CDH13: variants seen among roughly 807,000 people sequenced by gnomAD.
CDH13 encodes the protein cadherin 13.
Under a neutral mutation model 63.8 loss-of-function variants are expected in CDH13, and 24 were observed. That is an observed-to-expected ratio of 0.38 (90% CI 0.27 to 0.53). The LOEUF (loss-of-function observed/expected upper bound fraction) is 0.53, where lower values mean the gene tolerates loss of function less well. Ranked by LOEUF, CDH13 falls within the 20% of genes least tolerant of loss-of-function variation. The pLI is 0.85. For synonymous variants in CDH13, 503 were observed against 355.3 expected (o/e 1.42, Z -4.67); for missense variants, 1,049 against 903.1 (o/e 1.16, Z -2.07).
chr16:83,785,344 T>C (rs1187930827), intron 13 of CDH13, among the ~76,000 whole-genome samples: 3 of 152,184 alleles, frequency 2.0e-5, no homozygotes, highest in African/African-American at 4.8e-5. Context: ...TTTCACATGA[T>C]GGGAGAGGCA....
chr16:83,503,866 T>G (rs772172709), intron 7 of CDH13, among the ~76,000 whole-genome samples: 6 of 152,076 alleles, frequency 3.9e-5, no homozygotes, highest in Non-Finnish European at 8.8e-5. Flanking sequence ...GATGATAGTT[T>G]CTTTTGCTGT....
intron 4 of CDH13, among the ~76,000 whole-genome samples, chr16:83,132,494 C>G (rs2151658471): frequency 8.0e-6 from 1 of 124,866 alleles, no homozygotes; most frequent in African/African-American, 3.0e-5. Context: ...TGTCACCAGG[C>G]TGGAGTGCAT....
intron 10 of CDH13, among the ~76,000 whole-genome samples, chr16:83,704,304 T>A (rs1906685252): frequency 6.6e-6 from 1 of 152,162 alleles, no homozygotes; most frequent in Non-Finnish European, 1.5e-5. Flanking sequence ...AATAACAATC[T>A]TACCCTCAAA....
At chr16:82,803,541 C>G (rs2036979231) in intron 1 of CDH13, among the ~76,000 whole-genome samples, 1 of 152,086 alleles carries the variant, frequency 6.6e-6, no homozygotes, top group Admixed American at 6.5e-5. Flanking sequence ...GGAACGACTC[C>G]AATGTTCCTG....
At chr16:82,706,182 C>T (rs1342367707) in intron 1 of CDH13, among the ~76,000 whole-genome samples, 1 of 152,128 alleles carries the variant, frequency 6.6e-6, no homozygotes, top group Admixed American at 6.6e-5. Context: ...TCCCTCTTTC[C>T]CTTCACAAAC....
intron 7 of CDH13, among the ~76,000 whole-genome samples, chr16:83,592,947 A>G (rs1906903297): frequency 6.6e-6 from 1 of 152,190 alleles, no homozygotes; most frequent in African/African-American, 2.4e-5. Context: ...AGTGGGAATA[A>G]GGCACATTTT....
At chr16:83,304,671 G>T (rs758760630) in intron 5 of CDH13, among the ~76,000 whole-genome samples, 1 of 152,170 alleles carries the variant, frequency 6.6e-6, no homozygotes, top group Non-Finnish European at 1.5e-5. Flanking sequence ...GAGGAATAAT[G>T]ATAATATTGT....
At chr16:83,401,864 A>G (rs768463973) in intron 6 of CDH13, among the ~76,000 whole-genome samples, 6 of 152,210 alleles carry the variant, frequency 3.9e-5, no homozygotes, top group Non-Finnish European at 7.3e-5. Context: ...AGCTCTTTGT[A>G]TAAACATTTT....
intron 6 of CDH13, among the ~76,000 whole-genome samples, chr16:83,369,103 A>G (rs967780000): frequency 6.6e-5 from 10 of 151,512 alleles, no homozygotes; most frequent in Non-Finnish European, 1.3e-4. Context: ...GCTGGATCAA[A>G]CAGTAGGTCT....
At chr16:83,448,011 C>G (rs972676834) in intron 6 of CDH13, among the ~76,000 whole-genome samples, 1 of 152,102 alleles carries the variant, frequency 6.6e-6, no homozygotes, top group East Asian at 1.9e-4. Context: ...CCAATAGGAA[C>G]TTGCCTGGAG....
At chr16:83,678,150 A>G in intron 9 of CDH13, 58 bp from the exon 10 acceptor site, 1 of 1,556,756 alleles carries the variant, frequency 6.4e-7, no homozygotes, top group Non-Finnish European at 8.7e-7. Flanking sequence ...AAGTTGATGC[A>G]AACCACCTGC....
intron 2 of CDH13, among the ~76,000 whole-genome samples, chr16:82,874,092 G>A (rs748288997): frequency 2.0e-5 from 3 of 151,984 alleles, no homozygotes; most frequent in South Asian, 2.1e-4. Flanking sequence ...GCGGGGTCTC[G>A]GGCAGCTCCC....
intron 1 of CDH13, chr16:82,705,038 G>C (rs1300108717): frequency 2.4e-6 from 1 of 421,038 alleles, no homozygotes; most frequent in Non-Finnish European, 4.7e-6. Context: ...GAAAATAAAC[G>C]GTTTCTTCTT....
intron 2 of CDH13, among the ~76,000 whole-genome samples, chr16:83,019,232 CCTTT>C (rs1337162622): frequency 6.6e-6 from 1 of 152,000 alleles, no homozygotes; most frequent in Non-Finnish European, 1.5e-5. Flanking sequence ...ATTTTATAGA[CCTTT>C]CTATTTTTAA....
intron 1 of CDH13, among the ~76,000 whole-genome samples, chr16:82,640,512 A>C (rs1909266214): frequency 6.6e-6 from 1 of 152,186 alleles, no homozygotes; most frequent in South Asian, 2.1e-4. Flanking sequence ...GCATTAAAGC[A>C]GCCACAGCCG....
At chr16:83,086,778 CA>C (rs2033622984) in intron 3 of CDH13, among the ~76,000 whole-genome samples, 3 of 151,978 alleles carry the variant, frequency 2.0e-5, no homozygotes, top group South Asian at 4.1e-4. Flanking sequence ...CAAGCAATGG[CA>C]AAAACTGGGC....
Position 82,954,317 on chromosome 16 carries a change from G to A in CDH13, c.158-77693G>A, listed in dbSNP as rs551606900. 3 of 152,300 alleles carry A rather than the reference G, an allele frequency of 2.0e-5. No homozygotes were observed. The East Asian group carries it at 5.8e-4, about 29-fold the overall frequency. The allele number at this position is 152,300 out of a possible 1,614,324, so 9.4% of individuals were successfully genotyped here. A position where few individuals can be genotyped will look rare whatever the true frequency, so the allele number is the denominator to read the frequency against. On this transcript the variant is annotated intron_variant, in intron 2 of 13. Coordinates refer to ENST00000567109, the MANE Select transcript of CDH13 (RefSeq NM_001257.5). ...GAACTTCCAGTTCACCCTGTGGAAG[G>A]GAAGGGGCTGAGCATGTTCTGGTGG...
intron 10 of CDH13, among the ~76,000 whole-genome samples, chr16:83,691,238 G>T (rs1904847469): frequency 6.6e-6 from 1 of 152,188 alleles, no homozygotes; most frequent in Non-Finnish European, 1.5e-5. Flanking sequence ...AAAGTAACTT[G>T]TGGGAGGAAA....
chr16:82,748,581 G>C (rs985010968), intron 1 of CDH13, among the ~76,000 whole-genome samples: 1 of 151,254 alleles, frequency 6.6e-6, no homozygotes, highest in Non-Finnish European at 1.5e-5. Context: ...CAGTTTGAGT[G>C]AGCAATGTGA....
Sources: allele counts gnomAD v4.1 joint callset (sites outside exome capture counted in the v4.1 genomes callset), GRCh38; gene constraint gnomAD v4.1.1; transcripts MANE v1.5; gene names NCBI Gene and HGNC (gene_info 2026-07-23, HGNC 2026-07-21).